The following MTMR1 variants were observed in gnomAD, a reference collection of about 807,000 sequenced individuals.
The protein encoded by MTMR1 is myotubularin related protein 1.
In MTMR1, 17 loss-of-function variants were observed where a neutral mutation model predicts 51.6. The ratio of observed to expected loss-of-function variants is 0.33; its 90% confidence interval spans 0.23 to 0.49. The LOEUF is 0.49. Ranked by LOEUF, MTMR1 falls within the 20% of genes least tolerant of loss-of-function variation. The probability of loss-of-function intolerance (pLI) is 0.99; values close to 1 mark genes in which losing one functional copy is unlikely to be tolerated. For synonymous variants in MTMR1, 201 were observed against 205.6 expected (o/e 0.98, Z 0.19); for missense variants, 386 against 526.9 (o/e 0.73, Z 2.62).
At chrX:150,761,692 C>G (rs1557418029) in intron 15 of MTMR1, among the ~76,000 whole-genome samples, 2 of 112,314 alleles carry the variant, frequency 1.8e-5, no homozygotes, top group Non-Finnish European at 3.8e-5. Flanking sequence ...CACCCTGTTT[C>G]TCCCTCAGCC....
At chrX:150,715,942 T>C (rs782123718) in intron 3 of MTMR1, among the ~76,000 whole-genome samples, 5 of 112,094 alleles carry the variant, frequency 4.5e-5, no homozygotes, top group African/African-American at 1.3e-4. Flanking sequence ...CTTGAGAGCA[T>C]TGTGTATTCT....
At chrX:150,714,418 T>C (rs1365634347) in intron 3 of MTMR1, 5 of 782,928 alleles carry the variant, frequency 6.4e-6, no homozygotes, top group Non-Finnish European at 3.5e-6. Context: ...ACCTGTCTGT[T>C]TGCACGTGTT....
chrX:150,702,351 C>A (rs2040946748), intron 2 of MTMR1, among the ~76,000 whole-genome samples: 2 of 111,472 alleles, frequency 1.8e-5, no homozygotes, highest in Admixed American at 1.9e-4. Flanking sequence ...GGGAGGGAAA[C>A]AAGTGTCTCA....
chrX:150,742,621 C>T (rs782032554), intron 12 of MTMR1, among the ~76,000 whole-genome samples: 17 of 109,796 alleles, frequency 1.5e-4, no homozygotes, highest in African/African-American at 5.6e-4. Flanking sequence ...TCGAGACCAT[C>T]TTGGCTAACA....
At chrX:150,759,490 C>T (rs1018950194) in intron 15 of MTMR1, among the ~76,000 whole-genome samples, 7 of 99,975 alleles carry the variant, frequency 7.0e-5, no homozygotes, top group South Asian at 3.8e-4. Context: ...CAGAGCCTCT[C>T]GATTACTGCA....
At chrX:150,704,567 A>G (rs1238417736) in intron 2 of MTMR1, among the ~76,000 whole-genome samples, 1 of 111,526 alleles carries the variant, frequency 9.0e-6, no homozygotes, top group Non-Finnish European at 1.9e-5. Context: ...ACAATGAGGC[A>G]CCCCTTTTTC....
chrX:150,759,228 C>T (rs782673548), intron 15 of MTMR1, among the ~76,000 whole-genome samples: 2 of 112,731 alleles, frequency 1.8e-5, no homozygotes, highest in East Asian at 5.6e-4. Flanking sequence ...CAGCACCTTC[C>T]TCTTCACTGA....
chrX:150,740,976 C>A (rs1338790793), intron 12 of MTMR1, among the ~76,000 whole-genome samples: 2 of 111,583 alleles, frequency 1.8e-5, no homozygotes, highest in African/African-American at 6.5e-5. Flanking sequence ...ACCCCCATGA[C>A]CCAACACCTC....
intron 14 of MTMR1, among the ~76,000 whole-genome samples, chrX:150,753,686 G>A (rs1161054513): frequency 8.9e-6 from 1 of 111,998 alleles, no homozygotes; most frequent in Non-Finnish European, 1.9e-5. Context: ...TTATGGAGTT[G>A]TAAGAGTTCC....
intron 14 of MTMR1, among the ~76,000 whole-genome samples, chrX:150,755,352 C>T (rs1230746201): frequency 8.9e-6 from 1 of 112,310 alleles, no homozygotes; most frequent in Non-Finnish European, 1.9e-5. Context: ...CCTACAAAAG[C>T]AAACCTTACA....
In MTMR1 at chrX:150,719,263, C is replaced by T. The variant is rs782203022; in HGVS notation, c.352+563C>T. Among the ~76,000 whole-genome samples, 17 of 111,164 alleles carry T rather than the reference C, an allele frequency of 1.5e-4. No individual in the cohort carries two copies. In the East Asian group the frequency reaches 4.0e-3, roughly 26 times the overall value. On this transcript the variant is annotated intron_variant, in intron 4 of 15. Coordinates refer to ENST00000445323, the MANE Select transcript of MTMR1 (RefSeq NM_001306144.3). The stretch of plus-strand genomic sequence containing the variant: ...ATGGGAGGGGCAGCTGGATGCGATC[C>T]GTTCATCTCATCACTTGGTTGGGTT...
chrX:150,717,803 G>A (rs372666481), intron 3 of MTMR1, among the ~76,000 whole-genome samples: 2 of 112,341 alleles, frequency 1.8e-5, no homozygotes, highest in Non-Finnish European at 3.8e-5. Flanking sequence ...GCCATCTAAG[G>A]TATCCTTTTC....
At position 150,710,550 on chromosome X, in the gene MTMR1, C is replaced by T. The variant is rs182920658; in HGVS notation, c.253-1792C>T. ...TAATGTTTTGTATTTTTAGTAGAGA[C>T]GGGTTTCACCATGTTGGTCAGGCTG... On this transcript the variant is annotated intron_variant, in intron 2 of 15. Transcript: ENST00000445323. Among the ~76,000 whole-genome samples, 623 of 110,766 alleles carry T rather than the reference C, an allele frequency of 5.6e-3. 4 individuals are homozygous for T. Among genetic ancestry groups the T allele is most frequent in the African/African-American group, 0.019 (592 of 30,396 alleles).
At position 150,719,589 on chromosome X, in the gene MTMR1, C is replaced by G. The variant is rs1191009595; in HGVS notation, c.352+889C>G. Among the ~76,000 whole-genome samples the G allele has an allele frequency of 2.7e-5, 3 of 112,110 alleles. No individual in the cohort carries two copies. In the East Asian group the frequency reaches 8.3e-4, roughly 31 times the overall value. ...GCGTTCTTCTAGCTCTGCCCTCATA[C>G]TGTTTTCTTAATGATCTGTTTAAAA... On this transcript the variant is annotated intron_variant, in intron 4 of 15. Coordinates refer to ENST00000445323, the MANE Select transcript of MTMR1 (RefSeq NM_001306144.3).
intron 1 of MTMR1, among the ~76,000 whole-genome samples, chrX:150,694,406 CCGA>C (rs1179495953): frequency 8.9e-6 from 1 of 111,739 alleles, no homozygotes; most frequent in Middle Eastern, 4.2e-3. Context: ...ACCGCCTCCT[CCGA>C]CGACAAGAGA....
At chrX:150,725,145 T>C (rs2041886063) in intron 4 of MTMR1, among the ~76,000 whole-genome samples, 1 of 112,504 alleles carries the variant, frequency 8.9e-6, no homozygotes, top group Non-Finnish European at 1.9e-5. Flanking sequence ...GCATTGAATC[T>C]ATAAATTGCT....
At chrX:150,748,570 C>T (rs1406983565) in intron 13 of MTMR1, among the ~76,000 whole-genome samples, 1 of 109,530 alleles carries the variant, frequency 9.1e-6, no homozygotes, top group Admixed American at 9.8e-5. Flanking sequence ...GTAATCCCAG[C>T]ACTTTAGGAG....
chrX:150,694,262 G>T (rs782789230), intron 1 of MTMR1, among the ~76,000 whole-genome samples: 1 of 111,919 alleles, frequency 8.9e-6, no homozygotes, highest in East Asian at 2.8e-4. Flanking sequence ...TTTACTTTCA[G>T]TTCTTCACAC....
intron 1 of MTMR1, 88 bp from the exon 2 acceptor site, chrX:150,699,107 A>G: frequency 2.1e-6 from 1 of 469,756 alleles, no homozygotes; most frequent in East Asian, 4.0e-5. Flanking sequence ...ATCTAAAAAA[A>G]GAAGTGTTAT....
Sources: allele counts gnomAD v4.1 joint callset (sites outside exome capture counted in the v4.1 genomes callset), GRCh38; gene constraint gnomAD v4.1.1; transcripts MANE v1.5; gene names NCBI Gene and HGNC (gene_info 2026-07-23, HGNC 2026-07-21).